DPY19L1: variants seen among roughly 807,000 people sequenced by gnomAD.
DPY19L1 encodes the protein dpy-19 like C-mannosyltransferase 1.
In DPY19L1, 35 loss-of-function variants were observed where a neutral mutation model predicts 96.9. The observed-to-expected ratio is 0.36, with a 90% CI of 0.28 to 0.48. DPY19L1 has a LOEUF of 0.48. DPY19L1 is among the 20% of genes least tolerant of loss of function. DPY19L1 has a pLI of 0.99. For missense variants in DPY19L1, 521 were observed against 777.9 expected, an observed-to-expected ratio of 0.67 and a Z score of 3.93; for synonymous variants, 205 against 252.6, an observed-to-expected ratio of 0.81 and a Z score of 1.79.
chr7:35,023,073 C>G (rs1268270885), intron 1 of DPY19L1, among the ~76,000 whole-genome samples: 1 of 152,162 alleles, frequency 6.6e-6, no homozygotes, highest in East Asian at 1.9e-4. Context: ...GGGGAGTTCT[C>G]CCACCCCAGG....
At chr7:34,959,925 TTATATATATA>T (rs66774079) in intron 10 of DPY19L1, among the ~76,000 whole-genome samples, 111 of 127,950 alleles carry the variant, frequency 8.7e-4, no homozygotes, top group Non-Finnish European at 1.6e-3. Context: ...ATATATATAT[TTATATATATA>T]TATATATATA....
At chr7:34,969,146 C>G (rs1273926008) in intron 9 of DPY19L1, among the ~76,000 whole-genome samples, 1 of 152,040 alleles carries the variant, frequency 6.6e-6, no homozygotes, top group Non-Finnish European at 1.5e-5. Flanking sequence ...CTTAACGATA[C>G]TGAATAACAA....
chr7:34,937,040 T>C (rs1185132611), intron 21 of DPY19L1, among the ~76,000 whole-genome samples: 1 of 152,248 alleles, frequency 6.6e-6, no homozygotes, highest in African/African-American at 2.4e-5. Context: ...ACTGTGCTCT[T>C]CATGAAGTGA....
chr7:34,955,410 T>C (rs117105222), intron 11 of DPY19L1, 43 bp from the exon 12 acceptor site: 22,326 of 1,556,844 alleles, frequency 0.014, 299 homozygotes, highest in Non-Finnish European at 0.015. Context: ...TTAATACTTA[T>C]AGACATAAAT....
At chr7:34,985,437 G>A (rs1785026909) in intron 7 of DPY19L1, among the ~76,000 whole-genome samples, 1 of 151,948 alleles carries the variant, frequency 6.6e-6, no homozygotes. Context: ...TCTGATAAGG[G>A]GCCAATATTC....
intron 8 of DPY19L1, among the ~76,000 whole-genome samples, chr7:34,970,530 T>G (rs532712361): frequency 6.6e-6 from 1 of 152,340 alleles, no homozygotes; most frequent in East Asian, 1.9e-4. Flanking sequence ...GCTGTGTGCA[T>G]ACATGTATGT....
At chr7:34,955,434 A>T in intron 11 of DPY19L1, 67 bp from the exon 12 acceptor site, 1 of 1,563,574 alleles carries the variant, frequency 6.4e-7, no homozygotes, top group Non-Finnish European at 8.7e-7. Flanking sequence ...AGTACCAAAA[A>T]ATTCTTCTAA....
chr7:34,977,338 C>T (rs577053236), intron 7 of DPY19L1, among the ~76,000 whole-genome samples: 7 of 152,300 alleles, frequency 4.6e-5, no homozygotes, highest in African/African-American at 9.6e-5. Flanking sequence ...GAATTTTCTT[C>T]ATGCAGACAG....
chr7:35,002,811 C>G (rs920359409), intron 6 of DPY19L1, among the ~76,000 whole-genome samples: 1 of 152,214 alleles, frequency 6.6e-6, no homozygotes, highest in Non-Finnish European at 1.5e-5. Flanking sequence ...CTCTGTCGCC[C>G]AGGCTGGAGT....
At position 34,930,089 on chromosome 7, in the gene DPY19L1, G is replaced by A. The variant is rs984350164; in HGVS notation, c.*1484C>T. ...AGAAAGGGAACAGCGGCTTCCAGGA[G>A]TGGGCACCAGAAACCATGCCTGAGG... On this transcript the variant is annotated 3_prime_UTR_variant, in exon 22 of 22. Transcript: ENST00000638088. The A allele has an allele frequency of 8.5e-5, 13 of 152,284 alleles. No individual in the cohort carries two copies. The highest frequency in any genetic ancestry group is 2.9e-4 in the African/African-American group (12 of 41,468). The allele number at this position is 152,284 out of a possible 1,614,324, so 9.4% of individuals were successfully genotyped here.
chr7:34,938,767 A>G (rs1308106041), intron 20 of DPY19L1, among the ~76,000 whole-genome samples: 1 of 152,172 alleles, frequency 6.6e-6, no homozygotes, highest in Non-Finnish European at 1.5e-5. Flanking sequence ...TTTGGACAAC[A>G]CATCTCTAAA....
In DPY19L1 at chr7:34,945,201, T is replaced by G. The variant is rs371677497; in HGVS notation, c.1544+466A>C. Among the ~76,000 whole-genome samples the G allele has an allele frequency of 2.3e-3, 342 of 151,842 alleles. 10 individuals carry two copies. The South Asian group carries it at 0.068, about 30-fold the overall frequency. ...CAAGCATGCTATAGGCCTCTCTAAC[T>G]CTCAGGTTATAAACAAACCCTCTTG... On this transcript the variant is annotated intron_variant, in intron 16 of 21. Coordinates refer to ENST00000638088, the MANE Select transcript of DPY19L1 (RefSeq NM_001366673.1).
chr7:34,933,729 T>G (rs1342136657), intron 21 of DPY19L1, among the ~76,000 whole-genome samples: 1 of 152,200 alleles, frequency 6.6e-6, no homozygotes, highest in Non-Finnish European at 1.5e-5. Context: ...CCCTTGAACA[T>G]CAGACTCCAA....
chr7:35,004,528 C>T (rs1785506463), intron 6 of DPY19L1, among the ~76,000 whole-genome samples: 2 of 152,116 alleles, frequency 1.3e-5, no homozygotes, highest in African/African-American at 4.8e-5. Context: ...GGTATGAAAG[C>T]TCTGATAATT....
intron 1 of DPY19L1, among the ~76,000 whole-genome samples, chr7:35,025,543 G>C (rs1562831213): frequency 6.6e-6 from 1 of 151,988 alleles, no homozygotes; most frequent in East Asian, 1.9e-4. Context: ...TCAAGACATG[G>C]ATATAACTTA....
At chr7:34,997,436 CAAAAAAAAAAAA>C (rs397836742) in intron 6 of DPY19L1, among the ~76,000 whole-genome samples, 8 of 91,956 alleles carry the variant, frequency 8.7e-5, no homozygotes, top group African/African-American at 1.4e-4. Flanking sequence ...ACTAAAAATA[CAAAAAAAAAAAA>C]AAAAAAAAAA....
chr7:35,029,625 T>C (rs1786213251), intron 1 of DPY19L1, among the ~76,000 whole-genome samples: 1 of 152,196 alleles, frequency 6.6e-6, no homozygotes, highest in Admixed American at 6.5e-5. Context: ...TGTGTTGTTA[T>C]ATCATTGCCA....
chr7:34,945,805 T>C (rs1309728557), intron 15 of DPY19L1, 89 bp from the exon 16 acceptor site: 1 of 879,288 alleles, frequency 1.1e-6, no homozygotes, highest in Non-Finnish European at 1.8e-6. Context: ...TAAAATAACT[T>C]TTAATGAAAA....
In DPY19L1 at chr7:34,938,101, T is replaced by C. The variant is rs1783911308; in HGVS notation, c.1983A>G (p.Val661=). ...CTGCTTTCCGACTATACATTGAGTA[T>C]ACTATTTTTGTTCTGGCTCTTTAAA... ...DAGLRARTKI[V]YSMYSRKAAE... Residue 661 remains valine (V), a synonymous_variant, in exon 21 of 22, where the codon GTA becomes GTG. Transcript: ENST00000638088. 2 of 1,613,532 alleles carry C rather than the reference T, an allele frequency of 1.2e-6. No individual in the cohort carries two copies. The highest frequency in any genetic ancestry group is 1.7e-6 in the Non-Finnish European group (2 of 1,179,894).
Sources: gnomAD v4.1 joint callset for allele counts (sites outside exome capture counted in the v4.1 genomes callset) on GRCh38, gnomAD v4.1.1 for gene constraint, MANE v1.5 for transcripts, NCBI Gene and HGNC (gene_info 2026-07-23, HGNC 2026-07-21) for gene names.